The following DEDD2 variants were observed in gnomAD, a reference collection of about 807,000 sequenced individuals.
DEDD2 encodes the protein death effector domain containing 2.
Under a neutral mutation model 28.9 loss-of-function variants are expected in DEDD2, and 18 were observed. The observed-to-expected ratio is 0.62, with a 90% CI of 0.43 to 0.92. The LOEUF (loss-of-function observed/expected upper bound fraction) is 0.92. Ranked by LOEUF, DEDD2 falls within the 40% of genes least tolerant of loss-of-function variation. DEDD2 has a pLI of 0.00. For missense variants in DEDD2, 411 were observed against 463.3 expected (o/e 0.89, Z 1.04); for synonymous variants, 211 against 206.1 (o/e 1.02, Z -0.20).
In DEDD2 at chr19:42,198,598, T is replaced by G. The variant is rs907433583; in HGVS notation, c.*840A>C. The G allele has an allele frequency of 6.6e-6, 1 of 152,264 alleles. No homozygotes were observed. The highest frequency in any genetic ancestry group is 6.5e-5 in the Admixed American group (1 of 15,286). 9.4% of individuals were successfully genotyped at this position (152,264 alleles called of 1,614,324 possible). ...AAATAAAGAGTCCTAGAGAGGCCGA[T>G]GCCCACCTATGCCCTTTCCAGGGCA... On this transcript the variant is annotated 3_prime_UTR_variant, in exon 5 of 5. Coordinates refer to ENST00000596251, the MANE Select transcript of DEDD2 (RefSeq NM_133328.4).
At chr19:42,208,275 C>A (rs183159790) in intron 4 of DEDD2, among the ~76,000 whole-genome samples, 6 of 152,154 alleles carry the variant, frequency 3.9e-5, no homozygotes, top group Non-Finnish European at 5.9e-5. Context: ...CCCAACCCAC[C>A]CAACCCATCG....
chr19:42,210,829 A>T (rs2035728435), intron 3 of DEDD2, among the ~76,000 whole-genome samples: 2 of 151,780 alleles, frequency 1.3e-5, no homozygotes, highest in Non-Finnish European at 2.9e-5. Flanking sequence ...GCACTTTTGG[A>T]AGGCCGAGGT....
At chr19:42,203,562 C>T (rs2035415052) in intron 4 of DEDD2, among the ~76,000 whole-genome samples, 2 of 152,184 alleles carry the variant, frequency 1.3e-5, no homozygotes, top group Admixed American at 1.3e-4. Context: ...CGCCAGCAGA[C>T]TCAAGATTCT....
intron 4 of DEDD2, among the ~76,000 whole-genome samples, chr19:42,209,316 T>TTA (rs1160408448): frequency 6.6e-5 from 10 of 152,070 alleles, no homozygotes; most frequent in Admixed American, 6.6e-4. Context: ...GACAACTTAT[T>TTA]TAAGTGCCAA....
chr19:42,211,321 G>C (rs909748831), intron 3 of DEDD2, among the ~76,000 whole-genome samples: 2 of 151,800 alleles, frequency 1.3e-5, no homozygotes, highest in African/African-American at 2.4e-5. Flanking sequence ...GGAGATCTAG[G>C]CTGCAGTAAG....
intron 3 of DEDD2, among the ~76,000 whole-genome samples, chr19:42,213,156 A>G (rs1342688423): frequency 1.3e-5 from 2 of 152,252 alleles, no homozygotes; most frequent in Admixed American, 6.5e-5. Context: ...ACAAGAGGCT[A>G]GCCAGTTGGA....
At chr19:42,212,056 A>AATG (rs1397052397) in intron 3 of DEDD2, 1 of 146,538 alleles carries the variant, frequency 6.8e-6, no homozygotes, top group Non-Finnish European at 1.5e-5. Context: ...TAATAATAAT[A>AATG]ATAATAAATT....
At chr19:42,205,316 CTT>C (rs1444584275) in intron 4 of DEDD2, among the ~76,000 whole-genome samples, 2 of 152,196 alleles carry the variant, frequency 1.3e-5, no homozygotes, top group African/African-American at 2.4e-5. Context: ...AGTTACTAAT[CTT>C]TTTTGGCGTG....
In DEDD2 at chr19:42,209,703, A is replaced by G; in HGVS notation, c.586T>C (p.Cys196Arg). ...ARPSSEGKVT[C>R]DIRLRVRAEY... ...GCCAAAGCCTACAGACACCTACCAC[A>G]GGTCACTTTGCCTTCAGAGGAAGGT... The change falls in exon 4 of 5, where the codon TGT becomes CGT. Residue 196 changes from cysteine to arginine, a missense_variant. By Grantham distance (180) the Cys-to-Arg change is radical. This residue lies in a region of DEDD2 where 129 missense variants were observed against 189.9 expected (regional missense o/e 0.68). Transcript: ENST00000596251. 1 of 1,608,742 alleles carries G rather than the reference A, an allele frequency of 6.2e-7. No individual in the cohort carries two copies. Among genetic ancestry groups the G allele is most frequent in the Non-Finnish European group, 8.5e-7 (1 of 1,177,700 alleles).
In DEDD2 at chr19:42,216,756, C is replaced by T; in HGVS notation, c.252G>A (p.Arg84=). Residue 84 remains arginine (R), a synonymous_variant, in exon 2 of 5, where the codon CGG becomes CGA. Coordinates refer to ENST00000596251, the MANE Select transcript of DEDD2 (RefSeq NM_133328.4). ...RRGQCDESNL[R]LLGQLLRVLA... is the part of the protein sequence containing the mutation. ...GCACGCGCAGGAGTTGCCCCAGCAG[C>T]CGCAGGTTGCTCTCGTCGCACTGCC... 4 of 1,593,776 alleles carry T rather than the reference C, an allele frequency of 2.5e-6. No homozygotes were observed. The highest frequency in any genetic ancestry group is 3.4e-6 in the Non-Finnish European group (4 of 1,171,208).
rs966621057 is a variant in DEDD2, at chr19:42,199,198, C to T, written c.*240G>A. The T allele has an allele frequency of 2.7e-5, 16 of 593,686 alleles. No homozygotes were observed. The highest frequency in any genetic ancestry group is 4.3e-5 in the Non-Finnish European group (15 of 350,684). 36.8% of individuals were successfully genotyped at this position (593,686 alleles called of 1,614,324 possible). The stretch of plus-strand genomic sequence containing the variant: ...GAGATACAGGCCCAGCCCCCGCCTC[C>T]GGAGGCTAAGGGGGCACACCTGGGG... On this transcript the variant is annotated 3_prime_UTR_variant, in exon 5 of 5. Coordinates refer to ENST00000596251, the MANE Select transcript of DEDD2 (RefSeq NM_133328.4). This position sits in a 1 kb window ranked among gnomAD's most constrained non-coding sequence, Gnocchi z 7.4.
upstream of DEDD2, among the ~76,000 whole-genome samples, chr19:42,218,472 C>G (rs989373419): frequency 4.6e-5 from 7 of 152,136 alleles, no homozygotes; most frequent in African/African-American, 1.7e-4. Context: ...CCCAGATACC[C>G]GCTCCCTAAC....
chr19:42,215,449 T>C (rs193114699), intron 2 of DEDD2, among the ~76,000 whole-genome samples, 197 bp from the exon 3 acceptor site: 4 of 152,344 alleles, frequency 2.6e-5, no homozygotes, highest in African/African-American at 9.6e-5. Context: ...TGGGGCAATC[T>C]AACCCACGTC....
At position 42,204,264 on chromosome 19, in the gene DEDD2, A is replaced by G. The variant is rs117299744; in HGVS notation, c.590-4435T>C. ...TCTAAGAGTTCCTAGTTGGGTGGTG[A>G]TAAGGTTTGGATGTATGTTCTCTCC... On this transcript the variant is annotated intron_variant, in intron 4 of 4. Coordinates refer to ENST00000596251, the MANE Select transcript of DEDD2 (RefSeq NM_133328.4). 9.2e-3 allele frequency among the ~76,000 whole-genome samples: 1,395 copies of G among 152,292 alleles called. 12 individuals are homozygous for G. Among genetic ancestry groups the G allele is most frequent in the Non-Finnish European group, 0.016 (1,063 of 68,016 alleles).
In DEDD2 at chr19:42,215,209, C is replaced by T. The variant is rs2035918799; in HGVS notation, c.372G>A (p.Lys124=). The T allele has an allele frequency of 3.7e-6, 6 of 1,613,642 alleles. No homozygotes were observed. The highest frequency in any genetic ancestry group is 5.1e-6 in the Non-Finnish European group (6 of 1,179,848). ...GGCGACGGCAGCTACCCTCTGTCCT[C>T]TTTGAAGAGCTGGAGGTGCCATAGC... ...RYSYGTSSSS[K]RTEGSCRRRR... The change falls in exon 3 of 5, where the codon AAG becomes AAA. Residue 124 remains lysine, a synonymous_variant. Coordinates refer to ENST00000596251, the MANE Select transcript of DEDD2 (RefSeq NM_133328.4).
At chr19:42,220,066 A>G (rs1307129768), upstream of DEDD2, 2 of 152,248 alleles carry the variant, frequency 1.3e-5, no homozygotes, top group Non-Finnish European at 2.9e-5. Context: ...CATGGGCCCA[A>G]CGCTCACCAA....
chr19:42,213,858 C>T (rs913667164), intron 3 of DEDD2, among the ~76,000 whole-genome samples: 5 of 152,272 alleles, frequency 3.3e-5, no homozygotes, highest in African/African-American at 7.2e-5. Flanking sequence ...AGATTCTGAA[C>T]GGTCCCACAG....
intron 1 of DEDD2, 164 bp downstream of exon 1, chr19:42,217,468 C>A (rs544587149): frequency 4.7e-6 from 1 of 210,554 alleles, no homozygotes; most frequent in South Asian, 6.1e-5. Flanking sequence ...GACCCTCTGC[C>A]CCCTACACAG....
At position 42,202,457 on chromosome 19, in the gene DEDD2, C is replaced by T. The variant is rs539674594; in HGVS notation, c.590-2628G>A. Reference sequence around the variant, plus strand: ...TGCCCAGTTGAATCCTCTCTCAGCTCGTCCTTCTCCCCAGCATGGACCTCT... The same window carrying T: ...TGCCCAGTTGAATCCTCTCTCAGCTTGTCCTTCTCCCCAGCATGGACCTCT... On this transcript the variant is annotated intron_variant, in intron 4 of 4. Transcript: ENST00000596251. Among the ~76,000 whole-genome samples, 145 of 152,328 alleles carry T rather than the reference C, an allele frequency of 9.5e-4. 1 individual carries two copies. Among genetic ancestry groups the T allele is most frequent in the African/African-American group, 3.3e-3 (138 of 41,560 alleles).
Sources: gnomAD v4.1 joint callset for allele counts (sites outside exome capture counted in the v4.1 genomes callset) on GRCh38, gnomAD v4.1.1 for gene constraint, gnomAD v4.1.1 regional missense constraint, Gnocchi (gnomAD v3.1) non-coding constraint, MANE v1.5 for transcripts, NCBI Gene and HGNC (gene_info 2026-07-23, HGNC 2026-07-21) for gene names.